Variants in DPY19L3 observed in about 807,000 individuals in gnomAD.
The protein encoded by DPY19L3 is dpy-19 like C-mannosyltransferase 3.
DPY19L3 carries 51 observed loss-of-function variants against 92.3 expected under a neutral mutation model. The ratio of observed to expected loss-of-function variants is 0.55; its 90% CI spans 0.44 to 0.70. The LOEUF is 0.70. Among genes scored for constraint, DPY19L3 ranks in the 30% least tolerant of loss-of-function variants. DPY19L3 has a pLI of 0.00. For synonymous variants in DPY19L3, 309 were observed against 315.2 expected, an observed-to-expected ratio of 0.98 and a Z score of 0.21; for missense variants, 706 against 855.9, an observed-to-expected ratio of 0.82 and a Z score of 2.18.
Position 32,437,196 on chromosome 19 carries a change from A to G in DPY19L3, c.453A>G (p.Lys151=), listed in dbSNP as rs1237131294. ...SILYRVLPIQ[K]YLEPVYFYIY... ...TGTTTTATTGTTCCCTTTTACAGAAATATTTAGAGCCAGTTTATTTTTATA... is the reference window on the plus strand; with the variant it reads ...TGTTTTATTGTTCCCTTTTACAGAAGTATTTAGAGCCAGTTTATTTTTATA... The change falls in exon 6 of 19, where the codon AAA becomes AAG. Residue 151 remains lysine, a splice_region_variant and synonymous_variant. Coordinates refer to ENST00000392250, the MANE Select transcript of DPY19L3 (RefSeq NM_001172774.2). 2 of 1,613,818 alleles carry G rather than the reference A, an allele frequency of 1.2e-6. No individual in the cohort carries two copies. Among genetic ancestry groups the G allele is most frequent in the Non-Finnish European group, 1.7e-6 (2 of 1,179,916 alleles).
At chr19:32,460,402 C>T (rs572698309) in intron 12 of DPY19L3, among the ~76,000 whole-genome samples, 1 of 152,196 alleles carries the variant, frequency 6.6e-6, no homozygotes, top group Non-Finnish European at 1.5e-5. Context: ...CAGAGTGAGA[C>T]CCTATCTCTA....
At chr19:32,412,332 A>G (rs1968213220) in intron 3 of DPY19L3, 2 of 151,316 alleles carry the variant, frequency 1.3e-5, no homozygotes, top group Non-Finnish European at 2.9e-5. Context: ...ATACTATCAC[A>G]TCTAGTAGGG....
At chr19:32,477,964 C>G (rs188936963) in intron 17 of DPY19L3, among the ~76,000 whole-genome samples, 1 of 152,242 alleles carries the variant, frequency 6.6e-6, no homozygotes. Flanking sequence ...CAGGGAAACT[C>G]CCCCTTATAA....
At chr19:32,417,477 C>A (rs749919734) in intron 3 of DPY19L3, among the ~76,000 whole-genome samples, 1 of 152,174 alleles carries the variant, frequency 6.6e-6, no homozygotes, top group African/African-American at 2.4e-5. Flanking sequence ...CGTGCCACCA[C>A]GCCTGGCTAA....
intron 16 of DPY19L3, among the ~76,000 whole-genome samples, chr19:32,470,330 T>C (rs922688073): frequency 1.3e-5 from 2 of 152,188 alleles, no homozygotes; most frequent in Non-Finnish European, 2.9e-5. Context: ...AGCTGGAAAT[T>C]TATGACGTAC....
chr19:32,428,408 G>A (rs953779786), intron 3 of DPY19L3, among the ~76,000 whole-genome samples: 1 of 152,114 alleles, frequency 6.6e-6, no homozygotes, highest in Non-Finnish European at 1.5e-5. Flanking sequence ...ATGAGGTCTT[G>A]CAGTGGTGGA....
intron 17 of DPY19L3, among the ~76,000 whole-genome samples, chr19:32,478,896 C>A (rs960104643): frequency 3.9e-5 from 6 of 152,146 alleles, no homozygotes; most frequent in Admixed American, 1.3e-4. Context: ...ACAGCAGATT[C>A]TTGGATGGGG....
At chr19:32,443,146 CCT>C (rs1969376512) in intron 8 of DPY19L3, among the ~76,000 whole-genome samples, 1 of 152,258 alleles carries the variant, frequency 6.6e-6, no homozygotes, top group African/African-American at 2.4e-5. Context: ...TGGTGACGCA[CCT>C]CTGTTTCTCC....
chr19:32,475,270 G>A (rs990795553), intron 16 of DPY19L3, among the ~76,000 whole-genome samples: 13 of 152,202 alleles, frequency 8.5e-5, no homozygotes, highest in African/African-American at 3.1e-4. Flanking sequence ...CAGCTGCCGG[G>A]TTCGTCTTTT....
chr19:32,412,540 T>C (rs998347599), intron 3 of DPY19L3: 6 of 151,830 alleles, frequency 4.0e-5, no homozygotes, highest in African/African-American at 1.5e-4. Context: ...GTCCTCAGCA[T>C]GTTCATGACT....
At chr19:32,454,433 G>A (rs1355179922) in intron 9 of DPY19L3, among the ~76,000 whole-genome samples, 3 of 152,102 alleles carry the variant, frequency 2.0e-5, no homozygotes, top group Non-Finnish European at 4.4e-5. Context: ...ACTTAGCCGG[G>A]TGTTGTGGCA....
chr19:32,417,075 G>C (rs1364125202), intron 3 of DPY19L3, among the ~76,000 whole-genome samples: 1 of 152,208 alleles, frequency 6.6e-6, no homozygotes, highest in Non-Finnish European at 1.5e-5. Context: ...TCATCACTTA[G>C]AAGTTCCAAG....
chr19:32,473,264 C>T (rs568638522), intron 16 of DPY19L3, among the ~76,000 whole-genome samples: 5 of 152,340 alleles, frequency 3.3e-5, no homozygotes, highest in African/African-American at 1.2e-4. Context: ...GCAGGTTGGG[C>T]AGCCTGCTAT....
intron 3 of DPY19L3, among the ~76,000 whole-genome samples, chr19:32,425,254 C>T (rs183250782): frequency 6.6e-6 from 1 of 152,152 alleles, no homozygotes; most frequent in African/African-American, 2.4e-5. Context: ...TTTTTGTACT[C>T]CAAAGTACAC....
At chr19:32,414,951 G>T (rs1187172837) in intron 3 of DPY19L3, among the ~76,000 whole-genome samples, 1 of 152,198 alleles carries the variant, frequency 6.6e-6, no homozygotes, top group Admixed American at 6.5e-5. Flanking sequence ...TGTTCTGTGG[G>T]TAACATTGAG....
intron 16 of DPY19L3, among the ~76,000 whole-genome samples, chr19:32,474,926 T>G (rs1240682364): frequency 6.6e-6 from 1 of 152,182 alleles, no homozygotes; most frequent in African/African-American, 2.4e-5. Context: ...CATACCATGT[T>G]TGCCAGCCCA....
intron 16 of DPY19L3, among the ~76,000 whole-genome samples, chr19:32,469,280 C>G (rs1258817755): frequency 6.6e-6 from 1 of 151,998 alleles, no homozygotes; most frequent in African/African-American, 2.4e-5. Flanking sequence ...GCTGATCACC[C>G]GAGGTCAGGA....
At chr19:32,448,769 T>C (rs1433106083) in intron 8 of DPY19L3, among the ~76,000 whole-genome samples, 1 of 152,148 alleles carries the variant, frequency 6.6e-6, no homozygotes, top group African/African-American at 2.4e-5. Context: ...TTGTGTTGTT[T>C]AGGGGTCAAC....
At chr19:32,472,996 T>C (rs1187343207) in intron 16 of DPY19L3, among the ~76,000 whole-genome samples, 1 of 152,246 alleles carries the variant, frequency 6.6e-6, no homozygotes, top group African/African-American at 2.4e-5. Context: ...AATCATTTTG[T>C]AGTATTTGCA....
Sources: gnomAD v4.1 joint callset for allele counts (sites outside exome capture counted in the v4.1 genomes callset) on GRCh38, gnomAD v4.1.1 for gene constraint, MANE v1.5 for transcripts, NCBI Gene and HGNC (gene_info 2026-07-23, HGNC 2026-07-21) for gene names.